MARS1: variants seen among roughly 807,000 people sequenced by gnomAD.
MARS1 encodes methionyl-tRNA synthetase 1, also known as methionine--tRNA ligase, cytoplasmic.
Under a neutral mutation model 119.5 loss-of-function variants are expected in MARS1, and 80 were observed. The observed-to-expected ratio is 0.67, with a 90% CI of 0.56 to 0.81. The LOEUF (loss-of-function observed/expected upper bound fraction) is 0.81, where lower values mean the gene tolerates loss of function less well. MARS1 is among the 30% of genes least tolerant of loss of function. The probability of loss-of-function intolerance (pLI) is 0.00; values close to 1 mark genes in which losing one functional copy is unlikely to be tolerated. For missense variants in MARS1, 945 were observed against 1,116.5 expected (o/e 0.85, Z 2.19); for synonymous variants, 418 against 433.4 (o/e 0.96, Z 0.44).
At chr12:57,495,239 C>T (rs934207596) in intron 7 of MARS1, among the ~76,000 whole-genome samples, 12 of 149,536 alleles carry the variant, frequency 8.0e-5, no homozygotes, top group South Asian at 2.2e-4. Context: ...TCCTCCCGGA[C>T]GGGGCGGCTG....
At chr12:57,503,914 C>T (rs1877056589) in intron 10 of MARS1, 1 of 251,812 alleles carries the variant, frequency 4.0e-6, no homozygotes, top group Non-Finnish European at 7.6e-6. Context: ...GTCTTCACTT[C>T]ATCACTCCTT....
chr12:57,498,729 TA>T, intron 9 of MARS1, 106 bp downstream of exon 9: 2 of 1,004,396 alleles, frequency 2.0e-6, no homozygotes, highest in Non-Finnish European at 3.1e-6. Flanking sequence ...TGGGCACTCC[TA>T]AACTTAGGAT....
At chr12:57,490,803 T>TA (rs1875894012) in intron 7 of MARS1, among the ~76,000 whole-genome samples, 159 bp downstream of exon 7, 1 of 141,722 alleles carries the variant, frequency 7.1e-6, no homozygotes. Flanking sequence ...TTTTTTTTTT[T>TA]ACATTTTCTC....
intron 1 of MARS1, chr12:57,488,649 A>AGGAGGTTCTCTT: frequency 6.4e-7 from 1 of 1,550,840 alleles, no homozygotes; most frequent in Non-Finnish European, 8.7e-7. Context: ...GGTGACTCTT[A>AGGAGGTTCTCTT]GGAGGTTCTC....
chr12:57,490,779 TC>T, intron 7 of MARS1, 135 bp downstream of exon 7: 14 of 430,720 alleles, frequency 3.3e-5, no homozygotes, highest in South Asian at 5.8e-5. Flanking sequence ...TTCTTACATC[TC>T]TTTTTTTTTT....
intron 11 of MARS1, among the ~76,000 whole-genome samples, chr12:57,509,560 C>G (rs1594830535): frequency 6.6e-6 from 1 of 151,706 alleles, no homozygotes; most frequent in African/African-American, 2.4e-5. Context: ...GCACCTGCCA[C>G]CACACCCAGC....
At chr12:57,501,491 C>T (rs1876912802) in intron 10 of MARS1, among the ~76,000 whole-genome samples, 1 of 152,158 alleles carries the variant, frequency 6.6e-6, no homozygotes, top group African/African-American at 2.4e-5. Context: ...TTGAGACCAG[C>T]CTGGCCTGTA....
At chr12:57,505,027 T>G (rs1877115950) in intron 11 of MARS1, among the ~76,000 whole-genome samples, 1 of 151,856 alleles carries the variant, frequency 6.6e-6, no homozygotes, top group African/African-American at 2.4e-5. Context: ...TTAAAATGCT[T>G]TTGTAGAGAT....
At chr12:57,493,863 TTATATAATA>T (rs71084760) in intron 7 of MARS1, among the ~76,000 whole-genome samples, 17,022 of 22,264 alleles carry the variant, frequency 0.76, 8,103 homozygotes, top group Non-Finnish European at 0.99. Flanking sequence ...TATATTTATA[TTATATAATA>T]TATATAATAT....
At chr12:57,495,267 C>T (rs1876546798) in intron 7 of MARS1, among the ~76,000 whole-genome samples, 1 of 151,688 alleles carries the variant, frequency 6.6e-6, no homozygotes, top group South Asian at 2.1e-4. Flanking sequence ...GGGGGCTGCC[C>T]CCCACCTCCT....
Position 57,488,936 on chromosome 12 carries a change from C to T in MARS1, c.110-83C>T. The T allele has an allele frequency of 3.6e-6, 4 of 1,109,274 alleles. No individual in the cohort carries two copies. The South Asian group carries it at 3.9e-5, about 11-fold the overall frequency. 68.7% of individuals were successfully genotyped at this position (1,109,274 alleles called of 1,614,324 possible). On this transcript the variant is annotated intron_variant, in intron 1 of 20. Coordinates refer to ENST00000262027, the MANE Select transcript of MARS1 (RefSeq NM_004990.4). ...CATCTTTCTTTTTTTACTCACTGAA[C>T]AATGCAAGGTTATCCTAAGTTGACA...
chr12:57,515,400 G>A, intron 18 of MARS1, 64 bp downstream of exon 18: 1 of 1,504,708 alleles, frequency 6.6e-7, no homozygotes, highest in South Asian at 1.2e-5. Context: ...TGGAGTGGGT[G>A]AGAGAAGACC....
chr12:57,500,355 C>G lies in MARS1; in HGVS notation c.1126C>G (p.Arg376Gly). 2 of 1,614,162 alleles carry G rather than the reference C, an allele frequency of 1.2e-6. No homozygotes were observed. The highest frequency in any genetic ancestry group is 2.7e-5 in the African/African-American group (2 of 75,036). The change falls in exon 10 of 21, where the codon CGA (arginine) becomes GGA (glycine). Residue 376 changes from arginine to glycine, a missense_variant. Arg to Gly is a moderately radical substitution (Grantham distance 125). Coordinates refer to ENST00000262027, the MANE Select transcript of MARS1 (RefSeq NM_004990.4). ...TQDIFQQLLK[R>G]GFVLQDTVEQ... ...GGACATTTTCCAGCAGTTGCTGAAA[C>G]GAGGTTTTGTGCTGCAAGATACTGT...
chr12:57,510,288 G>A (rs1291270230), intron 11 of MARS1, among the ~76,000 whole-genome samples: 4 of 151,952 alleles, frequency 2.6e-5, no homozygotes, highest in Non-Finnish European at 2.9e-5. Flanking sequence ...CCTGGCCAAC[G>A]TGGTGAAACC....
chr12:57,489,993 C>T (rs751879067), intron 5 of MARS1, 22 bp downstream of exon 5: 1 of 1,607,752 alleles, frequency 6.2e-7, no homozygotes, highest in South Asian at 1.1e-5. Context: ...GCATATCACT[C>T]CAACCCTAGG....
Position 57,512,331 on chromosome 12 carries a change from G to C in MARS1, c.1731G>C (p.Leu577Phe). 1 of 1,613,842 alleles carries C rather than the reference G, an allele frequency of 6.2e-7. No individual in the cohort carries two copies. Residue 577 changes from leucine to phenylalanine, a missense_variant, in exon 14 of 21, where the codon TTG becomes TTC. Physicochemically the swap from Leu to Phe is conservative, Grantham distance 22 (BLOSUM62 0). Coordinates refer to ENST00000262027, the MANE Select transcript of MARS1 (RefSeq NM_004990.4). ...SALGAEDNYT[L>F]VSHLIATEYL... is the part of the protein sequence containing the mutation. ...TAGGAGCTGAGGATAACTATACCTT[G>C]GTCAGCCACCTCATTGCTACAGGTA... is the stretch of plus-strand genomic sequence containing the variant.
At chr12:57,499,496 C>G (rs1594820466) in intron 9 of MARS1, among the ~76,000 whole-genome samples, 1 of 149,590 alleles carries the variant, frequency 6.7e-6, no homozygotes, top group South Asian at 2.1e-4. Context: ...CCCAGCTACT[C>G]TGGAGGCTGA....
chr12:57,490,306 C>G lies in MARS1; in HGVS notation c.590C>G (p.Ala197Gly), dbSNP rs768441688. ...GTACTGAAACAGCAAGGTGTCCTGG[C>G]TCTCCGGCCTTACCTCCAAAAGCAG... ...ETVLKQQGVL[A>G]LRPYLQKQPQ... The change falls in exon 6 of 21, where the codon GCT becomes GGT. Residue 197 changes from alanine (A) to glycine (G), a missense_variant. By Grantham distance (60) the Ala-to-Gly change is moderately conservative. Coordinates refer to ENST00000262027, the MANE Select transcript of MARS1 (RefSeq NM_004990.4). The G allele has an allele frequency of 2.5e-6, 4 of 1,612,968 alleles. No homozygotes were observed. The highest frequency in any genetic ancestry group is 3.4e-6 in the Non-Finnish European group (4 of 1,180,032).
chr12:57,509,086 A>C (rs1353087493), intron 11 of MARS1, among the ~76,000 whole-genome samples: 1 of 151,564 alleles, frequency 6.6e-6, no homozygotes, highest in East Asian at 1.9e-4. Flanking sequence ...TATTTTTTTC[A>C]ATTTCTTATA....
Sources: allele counts gnomAD v4.1 joint callset (sites outside exome capture counted in the v4.1 genomes callset), GRCh38; gene constraint gnomAD v4.1.1; transcripts MANE v1.5; gene names NCBI Gene and HGNC (gene_info 2026-07-23, HGNC 2026-07-21).